ZMIZ1: variants seen among roughly 807,000 people sequenced by gnomAD.
The protein encoded by ZMIZ1 is zinc finger MIZ domain-containing protein 1.
In ZMIZ1, 17 loss-of-function variants were observed where a neutral mutation model predicts 113.9. The ratio of observed to expected loss-of-function variants is 0.15; its 90% CI spans 0.10 to 0.22. The LOEUF is 0.22. ZMIZ1 is among the 10% of genes least tolerant of loss of function. The pLI is 1.00. For synonymous variants in ZMIZ1, 607 were observed against 603.1 expected, an observed-to-expected ratio of 1.01 and a Z score of -0.09; for missense variants, 1,059 against 1,477.8, an observed-to-expected ratio of 0.72 and a Z score of 4.65.
chr10:79,257,752 C>T (rs981136497), intron 7 of ZMIZ1, among the ~76,000 whole-genome samples: 42 of 152,222 alleles, frequency 2.8e-4, no homozygotes, highest in African/African-American at 9.6e-4. Flanking sequence ...GACGGGGTTC[C>T]AAGCCACAGA....
chr10:79,198,207 G>C (rs945102647), intron 4 of ZMIZ1, among the ~76,000 whole-genome samples: 1 of 152,054 alleles, frequency 6.6e-6, no homozygotes, highest in East Asian at 1.9e-4. Context: ...TGCAGTGAGT[G>C]GAGATCACGC....
In ZMIZ1 at chr10:79,140,804, G is replaced by T. The variant is rs951831473; in HGVS notation, c.-131+1027G>T. Among the ~76,000 whole-genome samples the T allele has an allele frequency of 2.6e-5, 4 of 151,970 alleles. No individual in the cohort carries two copies. The East Asian group carries it at 7.7e-4, about 29-fold the overall frequency. On this transcript the variant is annotated intron_variant, in intron 3 of 24. Transcript: ENST00000334512. Reference sequence around the variant, plus strand: ...TTGTTTTTGTTTTTGTTTTTTTGAGGCAGGGTCTCATTCTGTCACCCAGGT... The same window carrying T: ...TTGTTTTTGTTTTTGTTTTTTTGAGTCAGGGTCTCATTCTGTCACCCAGGT...
rs1362530880 is a variant in ZMIZ1 at position 79,140,405 on chromosome 10, C to T, written c.-131+628C>T. ...CACACAGCTAGCTCTGGCCACGCCA[C>T]AGCAGCTTGGCTTCATCCTATTTGC... On this transcript the variant is annotated intron_variant, in intron 3 of 24. Coordinates refer to ENST00000334512, the MANE Select transcript of ZMIZ1 (RefSeq NM_020338.4). 3.9e-5 allele frequency among the ~76,000 whole-genome samples: 6 copies of T among 152,228 alleles called. No individual in the cohort carries two copies. The East Asian group carries it at 1.2e-3, about 29-fold the overall frequency.
intron 2 of ZMIZ1, among the ~76,000 whole-genome samples, chr10:79,121,331 C>G (rs1844281901): frequency 6.6e-6 from 1 of 152,242 alleles, no homozygotes; most frequent in Non-Finnish European, 1.5e-5. Context: ...TTCAACACTT[C>G]CTTTTCCTTT....
At chr10:79,070,590 A>T (rs947625286) in intron 1 of ZMIZ1, among the ~76,000 whole-genome samples, 4 of 150,580 alleles carry the variant, frequency 2.7e-5, no homozygotes, top group African/African-American at 9.8e-5. Flanking sequence ...GCCCAGCCCT[A>T]CCCCTCTACC....
At chr10:79,117,165 A>G (rs999467440) in intron 1 of ZMIZ1, among the ~76,000 whole-genome samples, 1 of 152,274 alleles carries the variant, frequency 6.6e-6, no homozygotes, top group African/African-American at 2.4e-5. Flanking sequence ...CAGAAATGGC[A>G]GGACCTCTTG....
chr10:79,127,549 A>G (rs1844573346), intron 2 of ZMIZ1, among the ~76,000 whole-genome samples: 1 of 151,732 alleles, frequency 6.6e-6, no homozygotes, highest in South Asian at 2.1e-4. Flanking sequence ...TCACCCTCAT[A>G]ATATCAAGTG....
rs1848414716 is a variant in ZMIZ1, at chr10:79,208,363, A to G, written c.88A>G (p.Asn30Asp). The G allele has an allele frequency of 6.2e-7, 1 of 1,613,966 alleles. No homozygotes were observed. The highest frequency in any genetic ancestry group is 1.7e-5 in the Admixed American group (1 of 60,004). Reference sequence around the variant, plus strand: ...CTTACAGAATCCTGCCAACTTCCACAATGCCGCCACGGAGCTGCTGGACTG... The same window carrying G: ...CTTACAGAATCCTGCCAACTTCCACGATGCCGCCACGGAGCTGCTGGACTG... ...QHLQNPANFH[N>D]AATELLDWCG... is the part of the protein sequence containing the mutation. Residue 30 changes from asparagine to aspartate, a missense_variant, in exon 6 of 25, where the codon AAT (asparagine) becomes GAT (aspartate). Physicochemically the swap from Asn to Asp is conservative, Grantham distance 23. This residue lies in a region of ZMIZ1 where 272 missense variants were observed against 350.4 expected (regional missense o/e 0.78). Coordinates refer to ENST00000334512, the MANE Select transcript of ZMIZ1 (RefSeq NM_020338.4).
chr10:79,250,147 C>T (rs1231258870), intron 7 of ZMIZ1, among the ~76,000 whole-genome samples: 1 of 152,240 alleles, frequency 6.6e-6, no homozygotes, highest in East Asian at 1.9e-4. Flanking sequence ...GCAGCATGGG[C>T]TTAGTTCCAA....
rs1325258385 is a variant in ZMIZ1, at chr10:79,127,050, C to G, written c.-227+8026C>G. On this transcript the variant is annotated intron_variant, in intron 2 of 24. Transcript: ENST00000334512. ...TCCCAGGATAAAATGAGAGATGCGC[C>G]TCCCTTCTCTTTGCTGTGACCAACT... Among the ~76,000 whole-genome samples the G allele has an allele frequency of 3.3e-5, 5 of 152,214 alleles. No homozygotes were observed. In the East Asian group the frequency reaches 9.6e-4, roughly 29 times the overall value.
chr10:79,176,654 A>T, intron 4 of ZMIZ1, among the ~76,000 whole-genome samples: 1 of 150,058 alleles, frequency 6.7e-6, no homozygotes, highest in Non-Finnish European at 1.5e-5. Flanking sequence ...GCTGGCAAGG[A>T]CCTGCTTGAT....
At chr10:79,134,923 A>T (rs1249278148) in intron 2 of ZMIZ1, among the ~76,000 whole-genome samples, 2 of 151,774 alleles carry the variant, frequency 1.3e-5, no homozygotes, top group African/African-American at 4.8e-5. Flanking sequence ...GGTTCAAGTG[A>T]TTCTCCTGTC....
chr10:79,275,224 G>A (rs935676757), intron 7 of ZMIZ1, among the ~76,000 whole-genome samples: 1 of 152,222 alleles, frequency 6.6e-6, no homozygotes, highest in African/African-American at 2.4e-5. Flanking sequence ...CCCACATAGG[G>A]GTGTTTGTTG....
chr10:79,303,958 C>G, intron 18 of ZMIZ1, 57 bp from the exon 19 acceptor site: 1 of 1,606,622 alleles, frequency 6.2e-7, no homozygotes, highest in Non-Finnish European at 8.5e-7. Flanking sequence ...GTGCAGACCC[C>G]CTACCTCTGC....
chr10:79,228,907 G>T (rs908854793), intron 7 of ZMIZ1, among the ~76,000 whole-genome samples: 1 of 152,206 alleles, frequency 6.6e-6, no homozygotes, highest in Non-Finnish European at 1.5e-5. Context: ...TCATCTCCCA[G>T]CCTCTCATGA....
chr10:79,194,746 C>G (rs1482142412), intron 4 of ZMIZ1, among the ~76,000 whole-genome samples: 1 of 152,200 alleles, frequency 6.6e-6, no homozygotes, highest in Admixed American at 6.5e-5. Context: ...TGTTCCCAGG[C>G]CTTTTCAGCT....
intron 3 of ZMIZ1, among the ~76,000 whole-genome samples, chr10:79,140,630 C>G (rs1282287960): frequency 6.6e-6 from 1 of 152,162 alleles, no homozygotes; most frequent in Non-Finnish European, 1.5e-5. Context: ...CTCATCCACC[C>G]ATTCATCCCT....
At chr10:79,282,531 G>A (rs1222423903) in intron 8 of ZMIZ1, among the ~76,000 whole-genome samples, 2 of 152,208 alleles carry the variant, frequency 1.3e-5, no homozygotes, top group Admixed American at 6.5e-5. Flanking sequence ...GAGCTCGGGT[G>A]TCACAATCAT....
chr10:79,296,407 G>C lies in ZMIZ1; in HGVS notation c.1231-64G>C. The C allele has an allele frequency of 1.3e-6, 2 of 1,575,806 alleles. No individual in the cohort carries two copies. The highest frequency in any genetic ancestry group is 1.7e-6 in the Non-Finnish European group (2 of 1,150,324). ...GCGGGCCCCATCCCGTTGTTCAGGTGACCTGGCTATGTGACGTTGGCAACA... is the reference window on the plus strand; with the variant it reads ...GCGGGCCCCATCCCGTTGTTCAGGTCACCTGGCTATGTGACGTTGGCAACA... On this transcript the variant is annotated intron_variant, in intron 12 of 24. Transcript: ENST00000334512. This position sits in a 1 kb window ranked among gnomAD's most constrained non-coding sequence, Gnocchi z 4.1.
Sources: gnomAD v4.1 joint callset for allele counts (sites outside exome capture counted in the v4.1 genomes callset) on GRCh38, gnomAD v4.1.1 for gene constraint, gnomAD v4.1.1 regional missense constraint, Gnocchi (gnomAD v3.1) non-coding constraint, MANE v1.5 for transcripts, NCBI Gene and HGNC (gene_info 2026-07-23, HGNC 2026-07-21) for gene names.